The following GDF5 variants were observed in gnomAD, a reference collection of about 807,000 sequenced individuals.
The protein encoded by GDF5 is growth differentiation factor 5.
In GDF5, 17 loss-of-function variants were observed where a neutral mutation model predicts 34.6. The ratio of observed to expected loss-of-function variants is 0.49; its 90% CI spans 0.34 to 0.74. The LOEUF (loss-of-function observed/expected upper bound fraction) is 0.74, where lower values mean the gene tolerates loss of function less well. GDF5 is among the 30% of genes least tolerant of loss of function. GDF5 has a pLI of 0.01. For synonymous variants in GDF5, 332 were observed against 290.7 expected (o/e 1.14, Z -1.44); for missense variants, 616 against 661.2 (o/e 0.93, Z 0.75).
chr20:35,441,427 A>G (rs1243379423), upstream of GDF5: 1 of 152,170 alleles, frequency 6.6e-6, no homozygotes, highest in Non-Finnish European at 1.5e-5. Flanking sequence ...AAAGTGATCA[A>G]CTATTAATGG....
In GDF5 at chr20:35,435,831, C is replaced by T. The variant is rs116874298; in HGVS notation, c.632-1048G>A. Among the ~76,000 whole-genome samples the T allele has an allele frequency of 6.6e-3, 1,000 of 152,086 alleles. 6 individuals are homozygous for T. Among genetic ancestry groups the T allele is most frequent in the Non-Finnish European group, 8.9e-3 (607 of 67,998 alleles). Reference sequence around the variant, plus strand: ...TATGAAAGAGTGTATACGTTAATGACGCATTATATGTATAAATGATTGGGC... The same window carrying T: ...TATGAAAGAGTGTATACGTTAATGATGCATTATATGTATAAATGATTGGGC... On this transcript the variant is annotated intron_variant, in intron 1 of 1. Coordinates refer to ENST00000374369, the MANE Select transcript of GDF5 (RefSeq NM_000557.5).
rs2062531592 is a variant in GDF5, at chr20:35,451,080, T to TATATATATATATATATATATAA, written c.-398+3559_-398+3560insTTATATATATATATATATATAT. On this transcript the variant is annotated intron_variant, in intron 1 of 3. Transcript: ENST00000374372. Reference sequence around the variant, plus strand: ...AAAAAAAAAAATATATATATATATATATATATATATATACACAAATATATA... The same window carrying TATATATATATATATATATATAA: ...AAAAAAAAAAATATATATATATATATATATATATATATATATATATAAATATATATATATACACAAATATATA... 6.9e-4 allele frequency among the ~76,000 whole-genome samples: 21 copies of TATATATATATATATATATATAA among 30,304 alleles called. 1 individual carries two copies. Among genetic ancestry groups the TATATATATATATATATATATAA allele is most frequent in the South Asian group, 1.6e-3 (1 of 632 alleles). 19.9% of individuals were successfully genotyped at this position (30,304 alleles called of 152,430 possible). A position where few individuals can be genotyped will look rare whatever the true frequency, so the allele number is the denominator to read the frequency against.
Position 35,434,572 on chromosome 20 carries a change from G to A in GDF5, c.843C>T (p.Arg281=). 1.3e-6 allele frequency: 2 copies of A among 1,588,536 alleles called. No homozygotes were observed. The highest frequency in any genetic ancestry group is 1.7e-6 in the Non-Finnish European group (2 of 1,165,838). Reference sequence around the variant, plus strand: ...CAGATCCGTCCAGGCCTGGCACGGAGCGCACATCCAGCAAGGCGGCCGGCT... The same window carrying A: ...CAGATCCGTCCAGGCCTGGCACGGAACGCACATCCAGCAAGGCGGCCGGCT... ...GRQPAALLDV[R]SVPGLDGSGW... The change falls in exon 2 of 2, where the codon CGC becomes CGT. Residue 281 remains arginine, a synonymous_variant. Transcript: ENST00000374369.
intron 1 of GDF5, among the ~76,000 whole-genome samples, chr20:35,453,155 C>T (rs1320441178): frequency 2.0e-5 from 3 of 152,108 alleles, no homozygotes; most frequent in Non-Finnish European, 4.4e-5. Context: ...GAGGCTGAGG[C>T]AGAAGAATGG....
Position 35,433,362 on chromosome 20 carries a change from T to A in GDF5, c.*547A>T. 2 of 319,240 alleles carry A rather than the reference T, an allele frequency of 6.3e-6. No homozygotes were observed. Among genetic ancestry groups the A allele is most frequent in the Non-Finnish European group, 1.2e-5 (2 of 160,976 alleles). The allele number at this position is 319,240 out of a possible 1,614,324, so 19.8% of individuals were successfully genotyped here. ...TTTGCCACAGTTTTAGGCACAGTTTTGCTTTTTATCTCATCAATATACATT... is the reference window on the plus strand; with the variant it reads ...TTTGCCACAGTTTTAGGCACAGTTTAGCTTTTTATCTCATCAATATACATT... On this transcript the variant is annotated 3_prime_UTR_variant, in exon 2 of 2. Coordinates refer to ENST00000374369, the MANE Select transcript of GDF5 (RefSeq NM_000557.5).
At chr20:35,452,049 A>G (rs531572512) in intron 1 of GDF5, among the ~76,000 whole-genome samples, 1 of 152,274 alleles carries the variant, frequency 6.6e-6, no homozygotes, top group African/African-American at 2.4e-5. Flanking sequence ...TAGGAGGCAA[A>G]TCTTATTGAG....
Position 35,434,308 on chromosome 20 carries a change from C to T in GDF5, c.1107G>A (p.Val369=), listed in dbSNP as rs769550242. The change falls in exon 2 of 2, where the codon GTG becomes GTA. Residue 369 remains valine (V), a synonymous_variant. Coordinates refer to ENST00000374369, the MANE Select transcript of GDF5 (RefSeq NM_000557.5). The part of the protein sequence containing the change: ...KARSGQDDKT[V]YEYLFSQRRK... ...GCCGCTGGCTGAACAGGTACTCATA[C>T]ACGGTCTTATCGTCCTGGCCAGAGC... 1.9e-6 allele frequency: 3 copies of T among 1,614,154 alleles called. No individual in the cohort carries two copies. Among genetic ancestry groups the T allele is most frequent in the Non-Finnish European group, 2.5e-6 (3 of 1,180,032 alleles).
rs1407424986 is a variant in GDF5 at position 35,433,636 on chromosome 20, G to T, written c.*273C>A. The T allele has an allele frequency of 1.2e-5, 6 of 509,360 alleles. No individual in the cohort carries two copies. The East Asian group carries it at 2.2e-4, about 19-fold the overall frequency. 31.6% of individuals were successfully genotyped at this position (509,360 alleles called of 1,614,324 possible). A position where few individuals can be genotyped will look rare whatever the true frequency, so the allele number is the denominator to read the frequency against. ...CTCATCGGAAAGCACTGTTTCCTGG[G>T]ACTCAGTCCCATTCAGAGTCTGTCT... On this transcript the variant is annotated 3_prime_UTR_variant, in exon 2 of 2. Coordinates refer to ENST00000374369, the MANE Select transcript of GDF5 (RefSeq NM_000557.5).
At chr20:35,441,454 C>CTT (rs1215410831), upstream of GDF5, 347 of 132,628 alleles carry the variant, frequency 2.6e-3, 9 homozygotes, top group African/African-American at 9.3e-3. Context: ...TTAATGATAG[C>CTT]TTTTTTTTTT....
At chr20:35,443,719 C>T (rs970389046) in intron 1 of GDF5, among the ~76,000 whole-genome samples, 2 of 152,022 alleles carry the variant, frequency 1.3e-5, no homozygotes, top group Non-Finnish European at 2.9e-5. Context: ...ACCATGCTGG[C>T]CAGGCTGGTC....
At chr20:35,444,957 C>T (rs1170702016) in intron 1 of GDF5, among the ~76,000 whole-genome samples, 1 of 152,056 alleles carries the variant, frequency 6.6e-6, no homozygotes, top group African/African-American at 2.4e-5. Flanking sequence ...TGGTCTCAAA[C>T]TCCTGACTTC....
chr20:35,441,261 A>G (rs542290929), upstream of GDF5: 40 of 152,330 alleles, frequency 2.6e-4, no homozygotes, highest in African/African-American at 9.6e-4. Context: ...AGATTCAATG[A>G]AGTAAATTGC....
intron 1 of GDF5, among the ~76,000 whole-genome samples, chr20:35,448,823 G>A (rs2146590805): frequency 6.6e-6 from 1 of 152,350 alleles, no homozygotes; most frequent in East Asian, 1.9e-4. Flanking sequence ...CAAGCCCTGA[G>A]TGATAGTGAA....
In GDF5 at chr20:35,434,540, T is replaced by A. The variant is rs1244626767; in HGVS notation, c.875A>T (p.Glu292Val). The A allele has an allele frequency of 6.3e-7, 1 of 1,599,600 alleles. No individual in the cohort carries two copies. Among genetic ancestry groups the A allele is most frequent in the Admixed American group, 1.7e-5 (1 of 58,400 alleles). ...GAAGAGCTTCCAGATGTCGAACACC[T>A]CCCAGCCAGATCCGTCCAGGCCTGG... ...SVPGLDGSGW[E>V]VFDIWKLFRN... Residue 292 changes from glutamate (E) to valine (V), a missense_variant, in exon 2 of 2, where the codon GAG becomes GTG. Glu to Val is a moderately radical substitution (Grantham distance 121). Coordinates refer to ENST00000374369, the MANE Select transcript of GDF5 (RefSeq NM_000557.5).
At chr20:35,442,537 CTTTTT>C (rs57668486), upstream of GDF5, among the ~76,000 whole-genome samples, 2 of 118,932 alleles carry the variant, frequency 1.7e-5, no homozygotes, top group Non-Finnish European at 3.3e-5. Flanking sequence ...TGATACCCGT[CTTTTT>C]TTTTTTTTTT....
chr20:35,449,006 A>T (rs1455655388), intron 1 of GDF5, among the ~76,000 whole-genome samples: 5 of 152,268 alleles, frequency 3.3e-5, no homozygotes, highest in Non-Finnish European at 5.9e-5. Flanking sequence ...AGATTGACAC[A>T]ATTCAACCAG....
chr20:35,437,137 A>G (rs1485919813), intron 1 of GDF5, among the ~76,000 whole-genome samples, 161 bp downstream of exon 1: 3 of 152,142 alleles, frequency 2.0e-5, no homozygotes, highest in South Asian at 2.1e-4. Flanking sequence ...GCAGCCTAGG[A>G]TCTGCTATGT....
At chr20:35,453,433 CCT>C (rs2062544186) in intron 1 of GDF5, among the ~76,000 whole-genome samples, 1 of 152,088 alleles carries the variant, frequency 6.6e-6, no homozygotes, top group African/African-American at 2.4e-5. Context: ...ATGCAAACGC[CCT>C]GAGGCAGAAA....
chr20:35,449,211 C>T (rs966993483), intron 1 of GDF5, among the ~76,000 whole-genome samples: 1 of 152,098 alleles, frequency 6.6e-6, no homozygotes, highest in African/African-American at 2.4e-5. Flanking sequence ...TCAAGAGGTT[C>T]TTCTGACTCA....
Sources: allele counts gnomAD v4.1 joint callset (sites outside exome capture counted in the v4.1 genomes callset), GRCh38; gene constraint gnomAD v4.1.1; transcripts MANE v1.5; gene names NCBI Gene and HGNC (gene_info 2026-07-23, HGNC 2026-07-21).